SUGCT: variants seen among roughly 807,000 people sequenced by gnomAD.
SUGCT encodes the protein succinyl-CoA:glutarate CoA-transferase.
A neutral mutation model predicts 55.0 loss-of-function variants in SUGCT; 41 were observed. The observed-to-expected ratio is 0.74, with a 90% CI of 0.58 to 0.97. The LOEUF (loss-of-function observed/expected upper bound fraction) is 0.97. Ranked by LOEUF, SUGCT falls within the 50% of genes least tolerant of loss-of-function variation. SUGCT has a pLI of 0.00. For synonymous variants in SUGCT, 187 were observed against 200.4 expected, an observed-to-expected ratio of 0.93 and a Z score of 0.56; for missense variants, 568 against 547.8, an observed-to-expected ratio of 1.04 and a Z score of -0.37.
At chr7:40,533,788 A>G (rs1214159784) in intron 12 of SUGCT, among the ~76,000 whole-genome samples, 1 of 152,210 alleles carries the variant, frequency 6.6e-6, no homozygotes, top group Non-Finnish European at 1.5e-5. Context: ...AGTCACACCT[A>G]ATAATGCATC....
At chr7:40,737,514 TAAAC>T (rs1787224773) in intron 12 of SUGCT, among the ~76,000 whole-genome samples, 1 of 152,172 alleles carries the variant, frequency 6.6e-6, no homozygotes, top group African/African-American at 2.4e-5. Context: ...ACTTAATTAA[TAAAC>T]AAAACAATAC....
chr7:40,366,935 A>G lies in SUGCT; in HGVS notation c.816+50080A>G, dbSNP rs1333051580. 6.4e-4 allele frequency among the ~76,000 whole-genome samples: 98 copies of G among 152,232 alleles called. 1 individual carries two copies. Among genetic ancestry groups the G allele is most frequent in the Admixed American group, 6.4e-3 (98 of 15,284 alleles). ...ACTGGGTATATACCCGAAGGACTAT[A>G]AATCATGCTGCTATGAAGACACATG... On this transcript the variant is annotated intron_variant, in intron 9 of 13. Transcript: ENST00000335693.
intron 12 of SUGCT, among the ~76,000 whole-genome samples, chr7:40,542,533 G>C (rs1421236997): frequency 6.6e-6 from 1 of 152,094 alleles, no homozygotes; most frequent in African/African-American, 2.4e-5. Flanking sequence ...TGATTAGTTT[G>C]ATAGCAAAAA....
At chr7:40,953,264 T>C in the SUGCT span, among the ~76,000 whole-genome samples, 1 of 152,258 alleles carries the variant, frequency 6.6e-6, no homozygotes, top group South Asian at 2.1e-4. Context: ...AGCTTGTGCA[T>C]CCATTATGTA....
At chr7:40,507,099 G>A (rs893933587) in intron 12 of SUGCT, among the ~76,000 whole-genome samples, 2 of 151,890 alleles carry the variant, frequency 1.3e-5, no homozygotes, top group Admixed American at 6.6e-5. Flanking sequence ...CTGTATGTTG[G>A]TCACACTTTA....
the SUGCT span, among the ~76,000 whole-genome samples, chr7:41,003,224 G>C: frequency 6.6e-6 from 1 of 152,146 alleles, no homozygotes; most frequent in Admixed American, 6.5e-5. Flanking sequence ...GTGTTGCCAT[G>C]GGAGACCACT....
the SUGCT span, among the ~76,000 whole-genome samples, chr7:41,000,413 T>C: frequency 1.3e-5 from 2 of 152,066 alleles, no homozygotes; most frequent in Non-Finnish European, 2.9e-5. Context: ...TTAAATGAAT[T>C]CTAGTCCAAG....
chr7:40,348,624 G>T (rs1797453259), intron 9 of SUGCT, among the ~76,000 whole-genome samples: 1 of 152,058 alleles, frequency 6.6e-6, no homozygotes, highest in East Asian at 1.9e-4. Flanking sequence ...TTTGAGTTAG[G>T]CATCTTTATT....
chr7:40,874,923 T>C, the SUGCT span, among the ~76,000 whole-genome samples: 1 of 152,214 alleles, frequency 6.6e-6, no homozygotes, highest in Non-Finnish European at 1.5e-5. Context: ...GTCTGCCTGC[T>C]CCATGGAAAG....
intron 12 of SUGCT, among the ~76,000 whole-genome samples, chr7:40,514,607 G>A (rs962690080): frequency 2.6e-5 from 4 of 151,874 alleles, no homozygotes; most frequent in African/African-American, 9.7e-5. Context: ...CTACTTTGGA[G>A]GCTGAGGCAG....
intron 11 of SUGCT, among the ~76,000 whole-genome samples, chr7:40,477,050 T>C (rs973945138): frequency 6.6e-6 from 1 of 152,184 alleles, no homozygotes; most frequent in Non-Finnish European, 1.5e-5. Flanking sequence ...ATCTTAGCTT[T>C]AATGTGTTTA....
chr7:40,908,762 C>A, the SUGCT span, among the ~76,000 whole-genome samples: 1 of 152,054 alleles, frequency 6.6e-6, no homozygotes, highest in African/African-American at 2.4e-5. Flanking sequence ...AAGATTCTTA[C>A]AATTTAATAC....
intron 1 of SUGCT, among the ~76,000 whole-genome samples, chr7:40,177,678 TGTTG>T (rs1481517685): frequency 1.3e-5 from 2 of 152,186 alleles, no homozygotes; most frequent in Non-Finnish European, 2.9e-5. Context: ...TCAGCTATTG[TGTTG>T]GTATCTTCCT....
intron 9 of SUGCT, among the ~76,000 whole-genome samples, chr7:40,369,090 C>T (rs568861689): frequency 2.4e-4 from 36 of 148,794 alleles, no homozygotes; most frequent in African/African-American, 7.0e-4. Flanking sequence ...GGTAACAGAG[C>T]GAGACTCTAT....
At chr7:40,892,026 A>G in the SUGCT span, among the ~76,000 whole-genome samples, 5 of 152,110 alleles carry the variant, frequency 3.3e-5, no homozygotes, top group African/African-American at 4.8e-5. Flanking sequence ...AAAAGAATAT[A>G]TAAAATTCAC....
the SUGCT span, among the ~76,000 whole-genome samples, chr7:41,008,354 G>A: frequency 2.0e-3 from 307 of 152,308 alleles, 1 homozygote; most frequent in African/African-American, 7.0e-3. Context: ...CCACTCGGTG[G>A]AGCCTGGAGG....
the SUGCT span, among the ~76,000 whole-genome samples, chr7:40,878,309 C>T: frequency 1.4e-3 from 215 of 152,246 alleles, no homozygotes; most frequent in African/African-American, 4.8e-3. Flanking sequence ...TCTGGTGTCA[C>T]TTTTCCTGTG....
intron 9 of SUGCT, among the ~76,000 whole-genome samples, chr7:40,377,530 A>T (rs1226969698): frequency 1.3e-5 from 2 of 151,988 alleles, no homozygotes; most frequent in Non-Finnish European, 2.9e-5. Context: ...GACGTGAGCT[A>T]CCACGCCCGG....
intron 12 of SUGCT, among the ~76,000 whole-genome samples, chr7:40,527,094 G>T (rs1793839704): frequency 6.6e-6 from 1 of 152,008 alleles, no homozygotes; most frequent in South Asian, 2.1e-4. Context: ...CAGTATCTTT[G>T]TAATGAAAGT....
Sources: allele counts gnomAD v4.1 joint callset (sites outside exome capture counted in the v4.1 genomes callset), GRCh38; gene constraint gnomAD v4.1.1; transcripts MANE v1.5; gene names NCBI Gene and HGNC (gene_info 2026-07-23, HGNC 2026-07-21).